Variants in APCDD1L observed in about 807,000 individuals in gnomAD.
APCDD1L encodes APC down-regulated 1 like, also known as protein APCDD1-like.
A neutral mutation model predicts 24.2 loss-of-function variants in APCDD1L; 21 were observed. That is an observed-to-expected ratio of 0.87 (90% CI 0.61 to 1.25). The LOEUF is 1.25. Ranked by LOEUF, APCDD1L falls within the 50% of genes most tolerant of loss-of-function variation. APCDD1L has a pLI of 0.00. For synonymous variants in APCDD1L, 321 were observed against 323.6 expected (o/e 0.99, Z 0.09); for missense variants, 704 against 711.7 (o/e 0.99, Z 0.12).
intron 1 of APCDD1L, among the ~76,000 whole-genome samples, chr20:58,479,798 T>TGGC (rs1428794463): frequency 6.6e-6 from 1 of 152,170 alleles, no homozygotes; most frequent in Non-Finnish European, 1.5e-5. Context: ...GGAGATATGC[T>TGGC]GGCTGCGATG....
intron 1 of APCDD1L, among the ~76,000 whole-genome samples, chr20:58,473,249 C>G (rs1989846700): frequency 6.6e-6 from 1 of 151,852 alleles, no homozygotes; most frequent in South Asian, 2.1e-4. Context: ...TTTTTTTCCC[C>G]CTGCACCCTC....
At position 58,515,331 on chromosome 20, in the gene APCDD1L, C is replaced by A. The variant is rs146737610; in HGVS notation, c.-624G>T. The A allele has an allele frequency of 6.7e-6, 2 of 299,954 alleles. No homozygotes were observed. Among genetic ancestry groups the A allele is most frequent in the Non-Finnish European group, 1.2e-5 (2 of 164,662 alleles). The allele number at this position is 299,954 out of a possible 1,614,324, so 18.6% of individuals were successfully genotyped here. A position where few individuals can be genotyped will look rare whatever the true frequency, so the allele number is the denominator to read the frequency against. ...CAACCCGGTCGCCTAGAAGCCAGCCCCGGCCTCTGTCTGTAAATGAGGCCG... is the reference window on the plus strand; with the variant it reads ...CAACCCGGTCGCCTAGAAGCCAGCCACGGCCTCTGTCTGTAAATGAGGCCG... On this transcript the variant is annotated 5_prime_UTR_variant, in exon 1 of 4. Transcript: ENST00000371149.
intron 1 of APCDD1L, among the ~76,000 whole-genome samples, chr20:58,512,895 C>A (rs552164160): frequency 6.6e-6 from 1 of 152,124 alleles, no homozygotes. Flanking sequence ...AGGCTGCCCC[C>A]CTCTCTCGTC....
At chr20:58,463,962 T>C (rs1334209915) in intron 3 of APCDD1L, among the ~76,000 whole-genome samples, 4 of 151,168 alleles carry the variant, frequency 2.6e-5, no homozygotes, top group Non-Finnish European at 5.9e-5. Flanking sequence ...TAAGTTTCCT[T>C]GATTTATATA....
At chr20:58,480,570 G>C (rs1026762888) in intron 1 of APCDD1L, among the ~76,000 whole-genome samples, 17 of 152,172 alleles carry the variant, frequency 1.1e-4, no homozygotes, top group Non-Finnish European at 2.1e-4. Context: ...AATGGAAAAC[G>C]CTGCGTATGA....
chr20:58,508,743 G>A lies in APCDD1L; in HGVS notation c.49+5916C>T, dbSNP rs1339835323. On this transcript the variant is annotated intron_variant, in intron 1 of 3. Coordinates refer to ENST00000371149, the MANE Select transcript of APCDD1L (RefSeq NM_153360.3). The surrounding 1 kb of genome is among the most constrained non-coding windows in gnomAD (Gnocchi z 4.0). ...GCCAGGCACTGTTCTAGGGACCCGGGAAAGAACTGTCGATAAAACAGGCCA... is the reference window on the plus strand; with the variant it reads ...GCCAGGCACTGTTCTAGGGACCCGGAAAAGAACTGTCGATAAAACAGGCCA... 1.3e-5 allele frequency among the ~76,000 whole-genome samples: 2 copies of A among 152,198 alleles called. No homozygotes were observed.
chr20:58,468,421 C>T (rs575763624), intron 2 of APCDD1L, among the ~76,000 whole-genome samples: 1 of 152,168 alleles, frequency 6.6e-6, no homozygotes, highest in East Asian at 1.9e-4. Flanking sequence ...CCTAGACTCA[C>T]GGTCAACCTG....
At chr20:58,473,579 G>T (rs1989852448) in intron 1 of APCDD1L, among the ~76,000 whole-genome samples, 1 of 138,110 alleles carries the variant, frequency 7.2e-6, no homozygotes, top group Non-Finnish European at 1.5e-5. Context: ...TCTTGGGGTA[G>T]ATGTTGGATT....
chr20:58,465,245 T>A (rs1989685238), intron 3 of APCDD1L, among the ~76,000 whole-genome samples: 1 of 152,026 alleles, frequency 6.6e-6, no homozygotes, highest in Non-Finnish European at 1.5e-5. Context: ...AATTTTGAGG[T>A]CATAAAAAGA....
chr20:58,512,972 C>T (rs932055132), intron 1 of APCDD1L, among the ~76,000 whole-genome samples: 1 of 152,082 alleles, frequency 6.6e-6, no homozygotes, highest in Non-Finnish European at 1.5e-5. Context: ...GAAAGGTCAC[C>T]GAGGAGCTGG....
At chr20:58,480,905 G>A (rs905142439) in intron 1 of APCDD1L, among the ~76,000 whole-genome samples, 5 of 152,228 alleles carry the variant, frequency 3.3e-5, no homozygotes, top group Admixed American at 6.5e-5. Context: ...AGGAAGCAGG[G>A]TGACAGATGG....
At chr20:58,477,859 A>T (rs549011704) in intron 1 of APCDD1L, among the ~76,000 whole-genome samples, 2 of 152,280 alleles carry the variant, frequency 1.3e-5, no homozygotes, top group East Asian at 3.9e-4. Flanking sequence ...AGCTCAAGAG[A>T]TCTGCCTGTC....
rs533658566 is a variant in APCDD1L, at chr20:58,488,017, C to T, written c.50-17270G>A. Among the ~76,000 whole-genome samples the T allele has an allele frequency of 5.4e-4, 82 of 152,076 alleles. 1 individual carries two copies. The highest frequency in any genetic ancestry group is 7.6e-4 in the Non-Finnish European group (52 of 68,000). On this transcript the variant is annotated intron_variant, in intron 1 of 3. Transcript: ENST00000371149. ...GTGTGTTGTGTAAGCATAGTGTATA[C>T]AGTGGTCCCCCCATGTGCGGTTTTG...
chr20:58,488,994 A>C (rs534602073), intron 1 of APCDD1L, among the ~76,000 whole-genome samples: 1 of 151,634 alleles, frequency 6.6e-6, no homozygotes, highest in South Asian at 2.1e-4. Context: ...GAAAGGAAAG[A>C]AGAGTGGGTG....
At chr20:58,501,887 C>A (rs1285470104) in intron 1 of APCDD1L, among the ~76,000 whole-genome samples, 3 of 152,306 alleles carry the variant, frequency 2.0e-5, no homozygotes, top group South Asian at 2.1e-4. Context: ...TACTCTCTAG[C>A]AGCCATCCTG....
At chr20:58,484,410 C>T (rs1265079671) in intron 1 of APCDD1L, among the ~76,000 whole-genome samples, 1 of 152,214 alleles carries the variant, frequency 6.6e-6, no homozygotes, top group Non-Finnish European at 1.5e-5. Context: ...ATCTCTACAA[C>T]AATGCCTGGC....
intron 1 of APCDD1L, among the ~76,000 whole-genome samples, chr20:58,504,120 G>A (rs139753621): frequency 6.6e-6 from 1 of 152,332 alleles, no homozygotes; most frequent in East Asian, 1.9e-4. Flanking sequence ...CCTGTCCACT[G>A]CAGTTTTGTT....
rs1433801888 is a variant in APCDD1L at position 58,497,651 on chromosome 20, C to T, written c.49+17008G>A. On this transcript the variant is annotated intron_variant, in intron 1 of 3. Transcript: ENST00000371149. The surrounding 1 kb of genome is among the most constrained non-coding windows in gnomAD (Gnocchi z 4.3). The stretch of plus-strand genomic sequence containing the variant: ...ACTAGTCATGCTGGATGAGGGCCCA[C>T]CTGAATGGCCTCATTTTAACTTGAT... Among the ~76,000 whole-genome samples the T allele has an allele frequency of 6.6e-6, 1 of 152,164 alleles. No homozygotes were observed. The highest frequency in any genetic ancestry group is 1.5e-5 in the Non-Finnish European group (1 of 68,036).
chr20:58,461,620 A>G lies in APCDD1L; in HGVS notation c.742-66T>C, dbSNP rs1989612733. ...AGAGAAGTTGGGGTGCAGCCTGGAA[A>G]GGAACCCCAGCTCTGTAGGGGTGTC... On this transcript the variant is annotated intron_variant, in intron 3 of 3. Transcript: ENST00000371149. The surrounding 1 kb of genome is among the most constrained non-coding windows in gnomAD (Gnocchi z 6.0). 1 of 1,379,296 alleles carries G rather than the reference A, an allele frequency of 7.3e-7. No individual in the cohort carries two copies. Among genetic ancestry groups the G allele is most frequent in the Admixed American group, 3.1e-5 (1 of 32,144 alleles). 85.4% of individuals were successfully genotyped at this position (1,379,296 alleles called of 1,614,324 possible). A position where few individuals can be genotyped will look rare whatever the true frequency, so the allele number is the denominator to read the frequency against.
Sources: allele counts gnomAD v4.1 joint callset (sites outside exome capture counted in the v4.1 genomes callset), GRCh38; gene constraint gnomAD v4.1.1; non-coding constraint Gnocchi (gnomAD v3.1); transcripts MANE v1.5; gene names NCBI Gene and HGNC (gene_info 2026-07-23, HGNC 2026-07-21).